ASIC2: variants seen among roughly 807,000 people sequenced by gnomAD.
ASIC2 encodes acid-sensing ion channel 2.
A neutral mutation model predicts 57.3 loss-of-function variants in ASIC2; 25 were observed. The observed-to-expected ratio is 0.44, with a 90% confidence interval of 0.32 to 0.61. The LOEUF is 0.61. ASIC2 is among the 20% of genes least tolerant of loss of function. The pLI is 0.06. For synonymous variants in ASIC2, 319 were observed against 307.5 expected, an observed-to-expected ratio of 1.04 and a Z score of -0.39; for missense variants, 641 against 738.1, an observed-to-expected ratio of 0.87 and a Z score of 1.52.
intron 1 of ASIC2, among the ~76,000 whole-genome samples, chr17:33,643,352 G>T (rs996601086): frequency 1.3e-5 from 2 of 152,128 alleles, no homozygotes; most frequent in Admixed American, 1.3e-4. Flanking sequence ...GCTGCATGGT[G>T]CTCTATGACA....
intron 1 of ASIC2, among the ~76,000 whole-genome samples, chr17:33,698,478 T>C (rs779356214): frequency 2.0e-5 from 3 of 152,144 alleles, no homozygotes; most frequent in Non-Finnish European, 4.4e-5. Context: ...AGGTGGAAGC[T>C]GAGATTCAAG....
chr17:33,588,166 G>C (rs573768578), intron 1 of ASIC2, among the ~76,000 whole-genome samples: 2 of 152,320 alleles, frequency 1.3e-5, no homozygotes, highest in South Asian at 4.1e-4. Flanking sequence ...GACCATGCAT[G>C]ATGTGAGCTT....
rs536276105 is a variant in ASIC2, at chr17:34,155,925, C to T, written c.555+53G>A. 49 of 1,540,130 alleles carry T rather than the reference C, an allele frequency of 3.2e-5. No homozygotes were observed. The South Asian group carries it at 3.8e-4, about 12-fold the overall frequency. ...CCCAAACCAAGCAGGAGACCACCGG[C>T]GCACCACTTCTCCAGAGGACCAGAC... On this transcript the variant is annotated intron_variant, in intron 1 of 9. Coordinates refer to the ASIC2 transcript ENST00000359872.
chr17:33,488,588 A>G (rs916372978), intron 1 of ASIC2, among the ~76,000 whole-genome samples: 1 of 152,090 alleles, frequency 6.6e-6, no homozygotes. Context: ...TTTTATGTTC[A>G]TTTCTAATCA....
At chr17:33,413,292 A>G (rs1445208073) in intron 1 of ASIC2, among the ~76,000 whole-genome samples, 1 of 152,260 alleles carries the variant, frequency 6.6e-6, no homozygotes, top group Non-Finnish European at 1.5e-5. Context: ...CATTTCTATT[A>G]TAAAGACTAA....
rs558942633 is a variant in ASIC2, at chr17:33,048,062, G to C, written c.988-19670C>G. On this transcript the variant is annotated intron_variant, in intron 3 of 9. Coordinates refer to ENST00000225823, the MANE Select transcript of ASIC2 (RefSeq NM_183377.2). ...CAAGATGATAAGGTTGGAGTCCCTG[G>C]TGTCTGTTGAAGAGGAAGACATAGC... Among the ~76,000 whole-genome samples the C allele has an allele frequency of 2.6e-5, 4 of 152,282 alleles. No homozygotes were observed. The South Asian group carries it at 8.3e-4, about 32-fold the overall frequency.
rs1320540919 is a variant in ASIC2, at chr17:34,037,398, G to A, written c.555+118580C>T. On this transcript the variant is annotated intron_variant, in intron 1 of 9. Coordinates refer to the ASIC2 transcript ENST00000359872. The stretch of plus-strand genomic sequence containing the variant: ...CAGTGGCCGTTGACGCTGGAACCTC[G>A]GGCGGGGCCTTTTCCTACAAGGCCT... 3.6e-5 allele frequency: 17 copies of A among 474,678 alleles called. No homozygotes were observed. The East Asian group carries it at 5.3e-4, about 15-fold the overall frequency. 29.4% of individuals were successfully genotyped at this position (474,678 alleles called of 1,614,324 possible). A position where few individuals can be genotyped will look rare whatever the true frequency, so the allele number is the denominator to read the frequency against.
At chr17:33,997,135 A>ATTTAT (rs1906185864) in intron 1 of ASIC2, among the ~76,000 whole-genome samples, 1 of 151,270 alleles carries the variant, frequency 6.6e-6, no homozygotes, top group Non-Finnish European at 1.5e-5. Flanking sequence ...AAATTTATTT[A>ATTTAT]TTTATTTTTA....
At chr17:33,404,445 A>G (rs779873698) in intron 1 of ASIC2, among the ~76,000 whole-genome samples, 2 of 152,242 alleles carry the variant, frequency 1.3e-5, no homozygotes, top group Non-Finnish European at 2.9e-5. Flanking sequence ...GACAAGAGCA[A>G]GGTAGAGGAT....
chr17:33,382,721 C>T (rs11867162), intron 1 of ASIC2, among the ~76,000 whole-genome samples: 19,499 of 152,186 alleles, frequency 0.13, 1,333 homozygotes, highest in Middle Eastern at 0.19. Flanking sequence ...GTGCAGATTT[C>T]ACAACTAGTA....
At chr17:33,221,850 C>T (rs1325193317) in intron 1 of ASIC2, among the ~76,000 whole-genome samples, 2 of 101,842 alleles carry the variant, frequency 2.0e-5, no homozygotes, top group Non-Finnish European at 4.4e-5. Context: ...ATCAGATTCC[C>T]CTGCTAGCCC....
intron 1 of ASIC2, among the ~76,000 whole-genome samples, chr17:33,232,894 T>G (rs1467105353): frequency 6.6e-6 from 1 of 152,216 alleles, no homozygotes; most frequent in Non-Finnish European, 1.5e-5. Context: ...GGGGGTCTTC[T>G]TCCTCTGGAG....
At chr17:33,469,010 G>T (rs1386678168) in intron 1 of ASIC2, among the ~76,000 whole-genome samples, 1 of 152,240 alleles carries the variant, frequency 6.6e-6, no homozygotes, top group Non-Finnish European at 1.5e-5. Flanking sequence ...GCCTGGCGGA[G>T]GCCTGGGCCC....
At chr17:33,193,496 C>A (rs924386725) in intron 1 of ASIC2, among the ~76,000 whole-genome samples, 1 of 152,182 alleles carries the variant, frequency 6.6e-6, no homozygotes, top group Admixed American at 6.5e-5. Context: ...TAATGGCCAG[C>A]TTCTCTGTTG....
Position 33,746,012 on chromosome 17 carries a change from T to C in ASIC2, c.555+409966A>G, listed in dbSNP as rs111973731. On this transcript the variant is annotated intron_variant, in intron 1 of 9. Coordinates refer to the ASIC2 transcript ENST00000359872. ...ACCTGTAATACACAGAAATATAATA[T>C]ATTTAACAATAACCACACAGAAAAG... Among the ~76,000 whole-genome samples the C allele has an allele frequency of 2.5e-4, 38 of 152,174 alleles. 2 individuals carry two copies. The highest frequency in any genetic ancestry group is 9.1e-4 in the African/African-American group (38 of 41,534).
At chr17:33,661,635 C>T (rs912732268) in intron 1 of ASIC2, among the ~76,000 whole-genome samples, 6 of 152,188 alleles carry the variant, frequency 3.9e-5, no homozygotes, top group African/African-American at 1.4e-4. Flanking sequence ...CTGAGCTTTG[C>T]CTTATGCTCT....
intron 1 of ASIC2, among the ~76,000 whole-genome samples, chr17:33,776,321 C>G (rs546828666): frequency 5.3e-5 from 8 of 152,140 alleles, no homozygotes; most frequent in Non-Finnish European, 1.2e-4. Flanking sequence ...CTTCTTCATC[C>G]TGTCTGCCAT....
chr17:33,810,256 G>A (rs1321662839), intron 1 of ASIC2, among the ~76,000 whole-genome samples: 2 of 152,190 alleles, frequency 1.3e-5, no homozygotes, highest in Non-Finnish European at 2.9e-5. Flanking sequence ...TAACGTTTTA[G>A]GGAATTAGGA....
At chr17:34,007,379 G>T (rs1301289180) in intron 1 of ASIC2, among the ~76,000 whole-genome samples, 1 of 152,232 alleles carries the variant, frequency 6.6e-6, no homozygotes, top group Non-Finnish European at 1.5e-5. Context: ...CTTGTGAAGT[G>T]AATGGAAATT....
Sources: allele counts gnomAD v4.1 joint callset (sites outside exome capture counted in the v4.1 genomes callset), GRCh38; gene constraint gnomAD v4.1.1; transcripts MANE v1.5; gene names NCBI Gene and HGNC (gene_info 2026-07-23, HGNC 2026-07-21).